Variants in PHYH observed in about 807,000 individuals in gnomAD.
PHYH encodes the protein phytanoyl-CoA 2-hydroxylase.
In PHYH, 32 loss-of-function variants were observed where a neutral mutation model predicts 38.5. That is an observed-to-expected ratio of 0.83 (90% CI 0.63 to 1.12). The LOEUF (loss-of-function observed/expected upper bound fraction) is 1.12. PHYH is among the 50% of genes most tolerant of loss of function. The probability of loss-of-function intolerance (pLI) is 0.00; values close to 1 mark genes in which losing one functional copy is unlikely to be tolerated. For missense variants in PHYH, 426 were observed against 434.8 expected, an observed-to-expected ratio of 0.98 and a Z score of 0.18; for synonymous variants, 166 against 157.9, an observed-to-expected ratio of 1.05 and a Z score of -0.38.
intron 1 of PHYH, chr10:13,299,350 G>T: frequency 1.3e-6 from 1 of 746,668 alleles, no homozygotes; most frequent in Non-Finnish European, 1.7e-6. Flanking sequence ...TGTAACCCTG[G>T]ACTCCTGGCC....
intron 6 of PHYH, among the ~76,000 whole-genome samples, chr10:13,288,111 T>A (rs868543534): frequency 3.9e-5 from 6 of 152,054 alleles, no homozygotes; most frequent in African/African-American, 1.4e-4. Context: ...ACCTGGGAGT[T>A]GGAGGTTGCA....
intron 2 of PHYH, among the ~76,000 whole-genome samples, chr10:13,297,851 T>A (rs1444601744): frequency 1.3e-5 from 2 of 151,678 alleles, no homozygotes; most frequent in African/African-American, 4.8e-5. Flanking sequence ...TCCCAGCACT[T>A]TGGGAGGCCA....
At chr10:13,299,461 GC>G in intron 1 of PHYH, 1 of 1,002,534 alleles carries the variant, frequency 1.0e-6, no homozygotes, top group Non-Finnish European at 1.2e-6. Flanking sequence ...TAACTCAGTG[GC>G]AATGCCGTAG....
At chr10:13,295,152 C>A in intron 3 of PHYH, 1 of 293,116 alleles carries the variant, frequency 3.4e-6, no homozygotes, top group Non-Finnish European at 6.5e-6. Context: ...GTGAGACTCC[C>A]TGTCTCTAAA....
chr10:13,289,222 G>A lies in PHYH; in HGVS notation c.497-681C>T, dbSNP rs1188275303. 2.6e-5 allele frequency among the ~76,000 whole-genome samples: 4 copies of A among 152,164 alleles called. No individual in the cohort carries two copies. The East Asian group carries it at 7.7e-4, about 29-fold the overall frequency. ...TGTTGTTATTGTTTTTTGAGACGGA[G>A]TCTTGTTCTGCTGCCCAGGCTGGAG... On this transcript the variant is annotated intron_variant, in intron 5 of 8. Coordinates refer to ENST00000263038, the MANE Select transcript of PHYH (RefSeq NM_006214.4).
intron 7 of PHYH, 42 bp from the exon 8 acceptor site, chr10:13,281,152 A>G: frequency 1.2e-6 from 2 of 1,606,778 alleles, no homozygotes; most frequent in South Asian, 2.2e-5. Flanking sequence ...AAAACATCCC[A>G]TGAATACCAG....
chr10:13,298,720 C>CTACTACTACTACTACTACTACTAT (rs1832645025), intron 1 of PHYH, among the ~76,000 whole-genome samples: 2 of 75,522 alleles, frequency 2.6e-5, no homozygotes, highest in African/African-American at 9.5e-5. Flanking sequence ...ACTACCACCA[C>CTACTACTACTACTACTACTACTAT]TACTACTACT....
At chr10:13,297,835 C>CG (rs1237944751) in intron 2 of PHYH, among the ~76,000 whole-genome samples, 1 of 20 alleles carries the variant, frequency 0.05, no homozygotes, top group Non-Finnish European at 0.1. Flanking sequence ...ATGGCTCAGG[C>CG]TGCAATCCCA....
intron 1 of PHYH, chr10:13,299,406 G>A (rs1832683978): frequency 3.0e-6 from 3 of 997,574 alleles, no homozygotes; most frequent in Non-Finnish European, 3.6e-6. Flanking sequence ...GTGTGCCGCC[G>A]CGCCAGTCCT....
chr10:13,290,031 G>C (rs1240984334), intron 5 of PHYH, among the ~76,000 whole-genome samples: 1 of 149,414 alleles, frequency 6.7e-6, no homozygotes, highest in East Asian at 2.0e-4. Context: ...CACTTTGGGA[G>C]GCTGAGCCGG....
At chr10:13,285,899 C>T (rs1022537352) in intron 6 of PHYH, among the ~76,000 whole-genome samples, 14 of 151,602 alleles carry the variant, frequency 9.2e-5, no homozygotes, top group African/African-American at 3.4e-4. Flanking sequence ...CCACTGCGCC[C>T]AGCCCAGGAT....
chr10:13,278,751 A>C (rs969595272), intron 8 of PHYH, among the ~76,000 whole-genome samples: 1 of 152,078 alleles, frequency 6.6e-6, no homozygotes, highest in African/African-American at 2.4e-5. Flanking sequence ...ACTGATCTCA[A>C]ACTCCTGGCC....
At position 13,278,073 on chromosome 10, in the gene PHYH, A is replaced by G. The variant is rs564345426; in HGVS notation, c.*228T>C. On this transcript the variant is annotated 3_prime_UTR_variant, in exon 9 of 9. Coordinates refer to ENST00000263038, the MANE Select transcript of PHYH (RefSeq NM_006214.4). ...CCACCTTTATTGGCTGCCACCCTAA[A>G]TTAGTTTTCCTTAAAACAGTAATAT... 3.7e-5 allele frequency: 19 copies of G among 516,138 alleles called. No homozygotes were observed. Among genetic ancestry groups the G allele is most frequent in the Non-Finnish European group, 5.6e-5 (16 of 286,162 alleles). 32.0% of individuals were successfully genotyped at this position (516,138 alleles called of 1,614,324 possible).
rs1322343066 is a variant in PHYH at position 13,295,715 on chromosome 10, CACTTG to C, written c.135-114_135-110del. 5.9e-6 allele frequency: 4 copies of C among 676,634 alleles called. No homozygotes were observed. The Admixed American group carries it at 8.6e-5, about 14-fold the overall frequency. 41.9% of individuals were successfully genotyped at this position (676,634 alleles called of 1,614,324 possible). ...CTTTAGCGGGCCGAGGCAAGTGGAT[CACTTG>C]AGGTCAGGAGTTTGAGACTAGCCCA... On this transcript the variant is annotated intron_variant, in intron 2 of 8. Coordinates refer to ENST00000263038, the MANE Select transcript of PHYH (RefSeq NM_006214.4).
chr10:13,286,715 A>G (rs1409515186), intron 6 of PHYH, among the ~76,000 whole-genome samples: 1 of 141,282 alleles, frequency 7.1e-6, no homozygotes, highest in Non-Finnish European at 1.5e-5. Flanking sequence ...AAAAAAAAAA[A>G]ACAACAAAAA....
intron 5 of PHYH, among the ~76,000 whole-genome samples, chr10:13,290,992 G>A (rs574165922): frequency 7.9e-5 from 12 of 151,782 alleles, no homozygotes; most frequent in East Asian, 7.7e-4. Context: ...AGTTACTTGG[G>A]AGACTGAGGC....
chr10:13,295,400 A>T (rs907430286), intron 3 of PHYH, 96 bp downstream of exon 3: 2 of 759,538 alleles, frequency 2.6e-6, no homozygotes, highest in Non-Finnish European at 4.8e-6. Context: ...CAAATCATTA[A>T]AAAACATCTG....
Position 13,283,539 on chromosome 10 carries a change from A to G in PHYH, c.828+151T>C, listed in dbSNP as rs1183399633. On this transcript the variant is annotated intron_variant, in intron 7 of 8. Coordinates refer to ENST00000263038, the MANE Select transcript of PHYH (RefSeq NM_006214.4). ...TATTTCCTGGTAAATAAACTGGACTAAAGTCCAGGTTGGTTAAAAGCCACA... is the reference window on the plus strand; with the variant it reads ...TATTTCCTGGTAAATAAACTGGACTGAAGTCCAGGTTGGTTAAAAGCCACA... 1.1e-5 allele frequency: 9 copies of G among 789,124 alleles called. No homozygotes were observed. In the Admixed American group the frequency reaches 1.5e-4, roughly 13 times the overall value. The allele number at this position is 789,124 out of a possible 1,614,324, so 48.9% of individuals were successfully genotyped here. A position where few individuals can be genotyped will look rare whatever the true frequency, so the allele number is the denominator to read the frequency against.
Position 13,288,922 on chromosome 10 carries a change from CAAAAAAAAAAAAA to C in PHYH, c.497-394_497-382del, listed in dbSNP as rs36019637. On this transcript the variant is annotated intron_variant, in intron 5 of 8. Coordinates refer to ENST00000263038, the MANE Select transcript of PHYH (RefSeq NM_006214.4). The stretch of plus-strand genomic sequence containing the variant: ...CGAGTCCCTGTCCCCCACCCCCAAC[CAAAAAAAAAAAAA>C]AAAAAAAAAAAAAGCTGGTCTCAGA... Among the ~76,000 whole-genome samples the C allele has an allele frequency of 2.4e-4, 10 of 40,928 alleles. No individual in the cohort carries two copies. The South Asian group carries it at 0.012, about 49-fold the overall frequency. 26.9% of individuals were successfully genotyped at this position (40,928 alleles called of 152,430 possible).
Sources: allele counts gnomAD v4.1 joint callset (sites outside exome capture counted in the v4.1 genomes callset), GRCh38; gene constraint gnomAD v4.1.1; transcripts MANE v1.5; gene names NCBI Gene and HGNC (gene_info 2026-07-23, HGNC 2026-07-21).